Variants in LIMD1 observed in about 807,000 individuals in gnomAD.
LIMD1 encodes the protein LIM domain containing 1.
LIMD1 carries 23 observed loss-of-function variants against 58.4 expected under a neutral mutation model. The ratio of observed to expected loss-of-function variants is 0.39; its 90% CI spans 0.28 to 0.56. The LOEUF is 0.56. Ranked by LOEUF, LIMD1 falls within the 20% of genes least tolerant of loss-of-function variation. The pLI, the probability that LIMD1 is intolerant of heterozygous loss-of-function variation, is 0.57. For missense variants in LIMD1, 838 were observed against 855.5 expected, an observed-to-expected ratio of 0.98 and a Z score of 0.25; for synonymous variants, 334 against 345.5, an observed-to-expected ratio of 0.97 and a Z score of 0.37.
intron 2 of LIMD1, among the ~76,000 whole-genome samples, chr3:45,648,095 A>T (rs984259044): frequency 0.015 from 2 of 134 alleles, no homozygotes; most frequent in Admixed American, 0.083. Flanking sequence ...CTAGGTGATC[A>T]GTTTTGGGAA....
chr3:45,667,189 G>A (rs1257173829), intron 3 of LIMD1, among the ~76,000 whole-genome samples: 3 of 152,182 alleles, frequency 2.0e-5, no homozygotes, highest in African/African-American at 4.8e-5. Flanking sequence ...CTCCACAGAC[G>A]TCTGATGGAG....
chr3:45,658,068 T>C (rs1387666325), intron 2 of LIMD1, among the ~76,000 whole-genome samples: 2 of 152,180 alleles, frequency 1.3e-5, no homozygotes, highest in Non-Finnish European at 2.9e-5. Flanking sequence ...TTTTCAAGCA[T>C]TTAAAAATAT....
chr3:45,612,810 G>T (rs1701538206), intron 1 of LIMD1: 1 of 152,168 alleles, frequency 6.6e-6, no homozygotes, highest in Non-Finnish European at 1.5e-5. Context: ...CACAGATTCT[G>T]TATTTGTGAA....
At chr3:45,676,895 C>G in intron 7 of LIMD1, 27 bp from the exon 8 acceptor site, 1 of 1,613,150 alleles carries the variant, frequency 6.2e-7, no homozygotes, top group Non-Finnish European at 8.5e-7. Context: ...TGTTTTGCTT[C>G]CCCTGGACAT....
intron 1 of LIMD1, among the ~76,000 whole-genome samples, chr3:45,617,700 G>A (rs1165464962): frequency 1.3e-5 from 2 of 152,220 alleles, no homozygotes; most frequent in Non-Finnish European, 2.9e-5. Context: ...CTTTCTGTTT[G>A]TTCTAAGGAG....
chr3:45,665,758 A>G lies in LIMD1; in HGVS notation c.1578+41A>G, dbSNP rs1697507572. The G allele has an allele frequency of 5.7e-6, 9 of 1,577,000 alleles. No individual in the cohort carries two copies. In the East Asian group the frequency reaches 1.6e-4, roughly 27 times the overall value. Reference sequence around the variant, plus strand: ...AAGCCTCCCCTTGCATGTCCTGGCCAGAGTCAGAGGGCAGGGGCCTGGGGG... The same window carrying G: ...AAGCCTCCCCTTGCATGTCCTGGCCGGAGTCAGAGGGCAGGGGCCTGGGGG... On this transcript the variant is annotated intron_variant, in intron 3 of 7. Transcript: ENST00000273317.
At chr3:45,615,752 CAAA>C (rs764944056) in intron 1 of LIMD1, among the ~76,000 whole-genome samples, 1 of 138,404 alleles carries the variant, frequency 7.2e-6, no homozygotes, top group Non-Finnish European at 1.6e-5. Flanking sequence ...CAACTTGTCT[CAAA>C]AAAAAAAAAA....
At chr3:45,661,357 A>G (rs1459017955) in intron 2 of LIMD1, among the ~76,000 whole-genome samples, 2 of 152,222 alleles carry the variant, frequency 1.3e-5, no homozygotes, top group Non-Finnish European at 2.9e-5. Flanking sequence ...ACATACTTAT[A>G]TACTTCCTTT....
chr3:45,626,380 A>G (rs1285832085), intron 1 of LIMD1, among the ~76,000 whole-genome samples: 1 of 152,242 alleles, frequency 6.6e-6, no homozygotes, highest in African/African-American at 2.4e-5. Context: ...GTATATCCAG[A>G]CAATGGCATA....
At chr3:45,630,582 T>G (rs1236271849) in intron 1 of LIMD1, among the ~76,000 whole-genome samples, 1 of 151,886 alleles carries the variant, frequency 6.6e-6, no homozygotes, top group Non-Finnish European at 1.5e-5. Flanking sequence ...TGGTCGTGTG[T>G]GCAAGGGACA....
At chr3:45,637,947 T>G (rs1372923937) in intron 2 of LIMD1, among the ~76,000 whole-genome samples, 2 of 151,890 alleles carry the variant, frequency 1.3e-5, no homozygotes, top group Admixed American at 1.3e-4. Flanking sequence ...AGTGGTCTGG[T>G]TATCGAATTC....
chr3:45,644,771 T>C (rs534576927), intron 2 of LIMD1, among the ~76,000 whole-genome samples: 4 of 152,116 alleles, frequency 2.6e-5, no homozygotes, highest in South Asian at 2.1e-4. Flanking sequence ...GCTGTAGCCA[T>C]GGGGCCTTGC....
rs1170011173 is a variant in LIMD1, at chr3:45,672,796, T to A, written c.1748T>A (p.Ile583Asn). Residue 583 changes from isoleucine to asparagine, a missense_variant, in exon 5 of 8, where the codon ATC (isoleucine) becomes AAC (asparagine). Transcript: ENST00000273317. ...VPFTVDSENK[I>N]YCVRDYHKVL... is the part of the protein sequence containing the mutation. ...TTCACCGTGGACTCAGAGAACAAGA[T>A]CTACTGTGTCCGAGATTACCACAAG... The A allele has an allele frequency of 6.2e-7, 1 of 1,613,958 alleles. No individual in the cohort carries two copies. Among genetic ancestry groups the A allele is most frequent in the Non-Finnish European group, 8.5e-7 (1 of 1,179,954 alleles).
intron 4 of LIMD1, among the ~76,000 whole-genome samples, chr3:45,671,516 C>T (rs1232745934): frequency 6.6e-6 from 1 of 152,130 alleles, no homozygotes; most frequent in Non-Finnish European, 1.5e-5. Context: ...TTCTGTAGTT[C>T]AGTTGTTTTT....
At chr3:45,603,456 A>G (rs1385015547) in intron 1 of LIMD1, among the ~76,000 whole-genome samples, 1 of 152,058 alleles carries the variant, frequency 6.6e-6, no homozygotes, top group Non-Finnish European at 1.5e-5. Flanking sequence ...ATGACTAGAT[A>G]TGATGACGTG....
At chr3:45,671,595 T>G (rs1016652629) in intron 4 of LIMD1, among the ~76,000 whole-genome samples, 1 of 152,218 alleles carries the variant, frequency 6.6e-6, no homozygotes, top group East Asian at 1.9e-4. Flanking sequence ...TGCTTTCAAC[T>G]GCAAATTATA....
chr3:45,597,138 G>A (rs1466617054), intron 1 of LIMD1, among the ~76,000 whole-genome samples: 1 of 152,098 alleles, frequency 6.6e-6, no homozygotes, highest in Non-Finnish European at 1.5e-5. Flanking sequence ...GGGATTACAG[G>A]CGTGAGCCAC....
At chr3:45,673,910 C>G (rs1448321398) in intron 6 of LIMD1, 1 of 260,512 alleles carries the variant, frequency 3.8e-6, no homozygotes, top group African/African-American at 2.2e-5. Flanking sequence ...CAAAAAAAAC[C>G]CCACTTCACC....
In LIMD1 at chr3:45,602,369, T is replaced by C. The variant is rs1465233597; in HGVS notation, c.1408+6082T>C. On this transcript the variant is annotated intron_variant, in intron 1 of 7. Transcript: ENST00000273317. ...CAGGAGAGAGCCACATTCTGCTCGC[T>C]GTTAGGACCAGAGGGGTGGGAAAGG... 3.3e-5 allele frequency among the ~76,000 whole-genome samples: 5 copies of C among 152,154 alleles called. No individual in the cohort carries two copies. The South Asian group carries it at 6.2e-4, about 19-fold the overall frequency.
Sources: gnomAD v4.1 joint callset for allele counts (sites outside exome capture counted in the v4.1 genomes callset) on GRCh38, gnomAD v4.1.1 for gene constraint, MANE v1.5 for transcripts, NCBI Gene and HGNC (gene_info 2026-07-23, HGNC 2026-07-21) for gene names.